The following FBXO34 variants were observed in gnomAD, a reference collection of about 807,000 sequenced individuals.
The protein encoded by FBXO34 is F-box protein 34, also known as F-box only protein 34.
Under a neutral mutation model 24.5 loss-of-function variants are expected in FBXO34, and 12 were observed. That is an observed-to-expected ratio of 0.49 (90% CI 0.31 to 0.79). The LOEUF is 0.79. FBXO34 is among the 30% of genes least tolerant of loss of function. The pLI is 0.04. For missense variants in FBXO34, 823 were observed against 857.7 expected (o/e 0.96, Z 0.51); for synonymous variants, 320 against 311.9 (o/e 1.03, Z -0.27).
the FBXO34 span, among the ~76,000 whole-genome samples, chr14:55,396,388 T>C: frequency 6.6e-6 from 1 of 152,288 alleles, no homozygotes; most frequent in South Asian, 2.1e-4. Context: ...ATGGGAAAAA[T>C]AAAGTTTTTG....
chr14:55,272,664 A>G (rs539973361), intron 1 of FBXO34, among the ~76,000 whole-genome samples: 28 of 151,968 alleles, frequency 1.8e-4, no homozygotes, highest in African/African-American at 5.8e-4. Context: ...AATTAATCCA[A>G]CATTTGTCTT....
At chr14:55,367,954 T>G (rs1884719500) in exon 3 of FBXO34, 1 of 152,496 alleles carries the variant, frequency 6.6e-6, no homozygotes, top group Admixed American at 6.5e-5. Flanking sequence ...ATTATTATGA[T>G]GAGAAAAGAA....
At chr14:55,390,363 G>C in the FBXO34 span, among the ~76,000 whole-genome samples, 1 of 151,796 alleles carries the variant, frequency 6.6e-6, no homozygotes, top group Non-Finnish European at 1.5e-5. Flanking sequence ...AAGCCACCGT[G>C]CCTGGCCAAC....
chr14:55,363,366 C>T (rs892012351), downstream of FBXO34, among the ~76,000 whole-genome samples: 2 of 148,778 alleles, frequency 1.3e-5, no homozygotes, highest in African/African-American at 2.5e-5. Flanking sequence ...TCTGCTCTTT[C>T]GTCCAGGCTG....
At chr14:55,340,505 C>G in intron 1 of FBXO34, among the ~76,000 whole-genome samples, 1 of 151,994 alleles carries the variant, frequency 6.6e-6, no homozygotes, top group Middle Eastern at 3.2e-3. Context: ...CCTTGGTATC[C>G]CAAAGTGCTG....
At chr14:55,368,528 C>A (rs948858501), downstream of FBXO34, 3 of 152,334 alleles carry the variant, frequency 2.0e-5, no homozygotes, top group Non-Finnish European at 4.4e-5. Flanking sequence ...CTGGGAAATT[C>A]TTTCTTTATA....
intron 1 of FBXO34, among the ~76,000 whole-genome samples, chr14:55,290,482 A>G (rs1017353621): frequency 1.3e-5 from 2 of 152,202 alleles, no homozygotes; most frequent in African/African-American, 4.8e-5. Flanking sequence ...TGCATGGTTC[A>G]GTGAGGTCAT....
At chr14:55,346,211 G>A (rs1348527787) in intron 1 of FBXO34, among the ~76,000 whole-genome samples, 1 of 152,176 alleles carries the variant, frequency 6.6e-6, no homozygotes, top group South Asian at 2.1e-4. Flanking sequence ...AAGTATGGTA[G>A]AGCAAAGCAG....
intron 1 of FBXO34, among the ~76,000 whole-genome samples, chr14:55,322,347 A>T (rs1257984293): frequency 3.3e-5 from 5 of 152,030 alleles, no homozygotes; most frequent in African/African-American, 1.2e-4. Flanking sequence ...AGCAACAACA[A>T]CAACAAAAAA....
At chr14:55,411,042 A>T in the FBXO34 span, among the ~76,000 whole-genome samples, 1 of 152,224 alleles carries the variant, frequency 6.6e-6, no homozygotes, top group Non-Finnish European at 1.5e-5. Context: ...ATTCCTAAGA[A>T]TCTAAAATAA....
At chr14:55,276,393 C>A (rs1881343866) in intron 1 of FBXO34, among the ~76,000 whole-genome samples, 1 of 152,130 alleles carries the variant, frequency 6.6e-6, no homozygotes, top group Non-Finnish European at 1.5e-5. Flanking sequence ...ATCGGTCTAT[C>A]CATTCATCAA....
intron 1 of FBXO34, among the ~76,000 whole-genome samples, chr14:55,325,262 T>C (rs373613850): frequency 2.0e-5 from 3 of 152,334 alleles, no homozygotes; most frequent in East Asian, 3.9e-4. Flanking sequence ...TTAGTTACTT[T>C]AGTGGATTTT....
chr14:55,383,968 C>T, the FBXO34 span, among the ~76,000 whole-genome samples: 1 of 152,164 alleles, frequency 6.6e-6, no homozygotes, highest in Non-Finnish European at 1.5e-5. Flanking sequence ...AGTTTAGATT[C>T]TGTCCTCTTG....
At chr14:55,393,307 C>T in the FBXO34 span, among the ~76,000 whole-genome samples, 2 of 151,884 alleles carry the variant, frequency 1.3e-5, no homozygotes, top group Admixed American at 6.6e-5. Context: ...ATGGTGTGAA[C>T]CCAGGAGGTG....
At chr14:55,338,045 C>CTTTTTTTTTTTTTT (rs1480397645) in intron 1 of FBXO34, among the ~76,000 whole-genome samples, 1 of 82,918 alleles carries the variant, frequency 1.2e-5, no homozygotes, top group African/African-American at 6.2e-5. Context: ...AGAGTATGTA[C>CTTTTTTTTTTTTTT]TTCTTTTTTT....
At chr14:55,355,412 G>T (rs1884505681), downstream of FBXO34, among the ~76,000 whole-genome samples, 1 of 152,118 alleles carries the variant, frequency 6.6e-6, no homozygotes, top group Non-Finnish European at 1.5e-5. Context: ...GCCACCACAT[G>T]CCCCTCTTCT....
At chr14:55,395,116 G>A in the FBXO34 span, 1 of 483,298 alleles carries the variant, frequency 2.1e-6, no homozygotes, top group South Asian at 1.5e-5. Flanking sequence ...CTTTCCTGCT[G>A]CTTTCTCAGC....
At chr14:55,282,283 G>A (rs1289694142) in intron 1 of FBXO34, 5 of 414,344 alleles carry the variant, frequency 1.2e-5, no homozygotes, top group Non-Finnish European at 2.0e-5. Flanking sequence ...CTGAGCCACC[G>A]CGCCCCGCCA....
chr14:55,420,502 C>T, the FBXO34 span, among the ~76,000 whole-genome samples: 5 of 150,670 alleles, frequency 3.3e-5, no homozygotes, highest in Non-Finnish European at 7.4e-5. Flanking sequence ...ACAGGTAAAA[C>T]GCCAAGAGAT....
Sources: gnomAD v4.1 joint callset for allele counts (sites outside exome capture counted in the v4.1 genomes callset) on GRCh38, gnomAD v4.1.1 for gene constraint, MANE v1.5 for transcripts, NCBI Gene and HGNC (gene_info 2026-07-23, HGNC 2026-07-21) for gene names.